The following BRI3 variants were observed in gnomAD, a reference collection of about 807,000 sequenced individuals.
The protein encoded by BRI3 is brain protein I3.
In BRI3, 6 loss-of-function variants were observed where a neutral mutation model predicts 12.8. That is an observed-to-expected ratio of 0.47 (90% CI 0.26 to 0.93). The LOEUF is 0.93. Ranked by LOEUF, BRI3 falls within the 40% of genes least tolerant of loss-of-function variation. BRI3 has a pLI of 0.15. For synonymous variants in BRI3, 91 were observed against 76.1 expected (o/e 1.20, Z -1.02); for missense variants, 134 against 171.1 (o/e 0.78, Z 1.21).
chr7:98,288,420 G>A (rs1263594553), intron 2 of BRI3, among the ~76,000 whole-genome samples: 1 of 152,082 alleles, frequency 6.6e-6, no homozygotes, highest in African/African-American at 2.4e-5. Flanking sequence ...GGACTGGCAG[G>A]GGCAGCCCTG....
upstream of BRI3, chr7:98,306,374 G>C: frequency 6.4e-7 from 1 of 1,574,550 alleles, no homozygotes; most frequent in Non-Finnish European, 8.7e-7. Flanking sequence ...AGATGGTGGT[G>C]TGTTACAGAA....
At chr7:98,283,205 G>T (rs945478870) in intron 2 of BRI3, among the ~76,000 whole-genome samples, 2 of 151,988 alleles carry the variant, frequency 1.3e-5, no homozygotes, top group Non-Finnish European at 2.9e-5. Context: ...AGAGTTGGCC[G>T]GGACAGGGTT....
chr7:98,319,911 A>G, the BRI3 span: 1 of 717,252 alleles, frequency 1.4e-6, no homozygotes, highest in South Asian at 1.8e-5. Context: ...GCCCAAAGAG[A>G]GCTTGTCGGT....
At chr7:98,319,939 C>A in the BRI3 span, 1 of 817,708 alleles carries the variant, frequency 1.2e-6, no homozygotes, top group Non-Finnish European at 2.0e-6. Context: ...ATCTGGGCAT[C>A]ATCAACACGG....
chr7:98,281,879 C>G lies in BRI3; in HGVS notation c.84C>G (p.His28Gln). Residue 28 changes from histidine (H) to glutamine (Q), a missense_variant, in exon 1 of 3, where the codon CAC becomes CAG. Transcript: ENST00000297290. ...AGQGDYACGP[H>Q]GYGAIPAAPP... Reference sequence around the variant, plus strand: ...AGGGCGACTACGCGTGCGGCCCGCACGGCTACGGCGCCATCCCCGCCGCGC... The same window carrying G: ...AGGGCGACTACGCGTGCGGCCCGCAGGGCTACGGCGCCATCCCCGCCGCGC... The G allele has an allele frequency of 7.6e-7, 1 of 1,307,406 alleles. No homozygotes were observed. Among genetic ancestry groups the G allele is most frequent in the Non-Finnish European group, 9.7e-7 (1 of 1,027,286 alleles). The allele number at this position is 1,307,406 out of a possible 1,614,324, so 81.0% of individuals were successfully genotyped here. A position where few individuals can be genotyped will look rare whatever the true frequency, so the allele number is the denominator to read the frequency against.
chr7:98,290,385 C>T (rs1267871067), intron 2 of BRI3, among the ~76,000 whole-genome samples: 8 of 150,774 alleles, frequency 5.3e-5, no homozygotes, highest in African/African-American at 7.3e-5. Flanking sequence ...TTAGTAGAGA[C>T]GGGGTTTCAC....
rs60741017 is a variant in BRI3 at position 98,301,475 on chromosome 7, G to GTATATATATATATATA, written c.72-5004_72-4989dup. Reference sequence around the variant, plus strand: ...AAAGCCTTCTAGCTTTTTTTTTTTGGTATATATATATATATATATTTTAAG... The same window carrying GTATATATATATATATA: ...AAAGCCTTCTAGCTTTTTTTTTTTGGTATATATATATATATATATATATATATATATATATTTTAAG... On this transcript the variant is annotated intron_variant and NMD_transcript_variant, in intron 1 of 2. Transcript: ENST00000491463. 7.7e-5 allele frequency among the ~76,000 whole-genome samples: 11 copies of GTATATATATATATATA among 142,306 alleles called. No individual in the cohort carries two copies. The East Asian group carries it at 1.2e-3, about 16-fold the overall frequency. The allele number at this position is 142,306 out of a possible 152,430, so 93.4% of individuals were successfully genotyped here. A position where few individuals can be genotyped will look rare whatever the true frequency, so the allele number is the denominator to read the frequency against.
At chr7:98,322,150 A>G in the BRI3 span, among the ~76,000 whole-genome samples, 2 of 152,052 alleles carry the variant, frequency 1.3e-5, no homozygotes, top group Admixed American at 6.6e-5. Context: ...CAGGGGAGGA[A>G]TCGGAATGAG....
exon 2 of BRI3, chr7:98,310,215 C>G (rs932798401): frequency 2.0e-5 from 10 of 494,478 alleles, no homozygotes; most frequent in Non-Finnish European, 3.2e-5. Flanking sequence ...TCAGTCAGTG[C>G]GTAGAACTGG....
At chr7:98,299,339 A>G (rs970533390) in intron 1 of BRI3, among the ~76,000 whole-genome samples, 3 of 150,870 alleles carry the variant, frequency 2.0e-5, no homozygotes, top group African/African-American at 4.9e-5. Context: ...TTAATTTTCT[A>G]TATAGACGAG....
the BRI3 span, chr7:98,320,087 T>C: frequency 6.2e-7 from 1 of 1,613,786 alleles, no homozygotes; most frequent in South Asian, 1.1e-5. Context: ...AGTTCTATCT[T>C]CTTCTCCAGC....
upstream of BRI3, among the ~76,000 whole-genome samples, chr7:98,305,680 C>G (rs1253699357): frequency 6.6e-6 from 1 of 152,186 alleles, no homozygotes; most frequent in Non-Finnish European, 1.5e-5. Context: ...GCCTCCATCT[C>G]CCAAAGTGCT....
At chr7:98,288,716 A>C (rs1426330201) in intron 2 of BRI3, among the ~76,000 whole-genome samples, 3 of 152,024 alleles carry the variant, frequency 2.0e-5, no homozygotes, top group Admixed American at 2.0e-4. Flanking sequence ...AAAGTTTCCC[A>C]AAATCGGCTG....
chr7:98,312,877 A>G (rs1800923331), downstream of BRI3, among the ~76,000 whole-genome samples: 1 of 152,192 alleles, frequency 6.6e-6, no homozygotes, highest in Non-Finnish European at 1.5e-5. Flanking sequence ...GTGCCCCTCC[A>G]GCACCCACAA....
At chr7:98,311,889 G>A (rs1355259908), downstream of BRI3, among the ~76,000 whole-genome samples, 1 of 152,132 alleles carries the variant, frequency 6.6e-6, no homozygotes, top group Non-Finnish European at 1.5e-5. Flanking sequence ...CTGGGCGACA[G>A]AGCAAGAAAG....
chr7:98,315,600 C>A, the BRI3 span: 1 of 1,396,656 alleles, frequency 7.2e-7, no homozygotes, highest in South Asian at 1.9e-5. Context: ...CGAGAAGTAA[C>A]GGTCTCCACA....
intron 2 of BRI3, among the ~76,000 whole-genome samples, chr7:98,290,827 C>G (rs992466850): frequency 2.6e-5 from 4 of 152,256 alleles, no homozygotes; most frequent in African/African-American, 9.6e-5. Context: ...ACTGATGAGT[C>G]CTTTCAACTG....
downstream of BRI3, chr7:98,310,456 T>C: frequency 6.3e-7 from 1 of 1,598,892 alleles, no homozygotes; most frequent in Admixed American, 1.8e-5. Context: ...TGTTGAATTA[T>C]TTACCCTTTG....
chr7:98,302,556 A>C (rs534827548), upstream of BRI3, among the ~76,000 whole-genome samples: 4 of 152,338 alleles, frequency 2.6e-5, no homozygotes, highest in Non-Finnish European at 5.9e-5. Flanking sequence ...CTGAGGTCTA[A>C]CTACCAATTT....
Sources: allele counts gnomAD v4.1 joint callset (sites outside exome capture counted in the v4.1 genomes callset), GRCh38; gene constraint gnomAD v4.1.1; transcripts MANE v1.5; gene names NCBI Gene and HGNC (gene_info 2026-07-23, HGNC 2026-07-21).